The following CDH13 variants were observed in gnomAD, a reference collection of about 807,000 sequenced individuals.
CDH13 encodes cadherin 13.
Under a neutral mutation model 63.8 loss-of-function variants are expected in CDH13, and 24 were observed. The observed-to-expected ratio is 0.38, with a 90% CI of 0.27 to 0.53. The LOEUF (loss-of-function observed/expected upper bound fraction) is 0.53. Ranked by LOEUF, CDH13 falls within the 20% of genes least tolerant of loss-of-function variation. The probability of loss-of-function intolerance (pLI) is 0.85; values close to 1 mark genes in which losing one functional copy is unlikely to be tolerated. For synonymous variants in CDH13, 503 were observed against 355.3 expected, an observed-to-expected ratio of 1.42 and a Z score of -4.67; for missense variants, 1,049 against 903.1, an observed-to-expected ratio of 1.16 and a Z score of -2.07.
chr16:83,548,386 A>G (rs952254121), intron 7 of CDH13, among the ~76,000 whole-genome samples: 1 of 152,090 alleles, frequency 6.6e-6, no homozygotes, highest in Non-Finnish European at 1.5e-5. Flanking sequence ...AAAACTAAGG[A>G]TGTGGCTAAA....
At chr16:83,105,331 A>G (rs1156742306) in intron 3 of CDH13, among the ~76,000 whole-genome samples, 2 of 152,216 alleles carry the variant, frequency 1.3e-5, no homozygotes, top group East Asian at 1.9e-4. Context: ...GGAATAATCC[A>G]GTGACATCCA....
At chr16:83,212,415 C>A (rs1156511011) in intron 4 of CDH13, among the ~76,000 whole-genome samples, 1 of 152,166 alleles carries the variant, frequency 6.6e-6, no homozygotes, top group African/African-American at 2.4e-5. Context: ...TGAAGAGGGA[C>A]TTTCCCCACT....
chr16:83,137,246 C>G lies in CDH13; in HGVS notation c.483+11745C>G, dbSNP rs142077351. Among the ~76,000 whole-genome samples the G allele has an allele frequency of 4.4e-3, 667 of 152,322 alleles. 4 individuals carry two copies. Among genetic ancestry groups the G allele is most frequent in the African/African-American group, 0.015 (633 of 41,566 alleles). ...GTTAAGTAACTTGTCCAACTTCATG[C>G]AGCAAGTGCAACATAAAAGCAAAGC... On this transcript the variant is annotated intron_variant, in intron 4 of 13. Coordinates refer to ENST00000567109, the MANE Select transcript of CDH13 (RefSeq NM_001257.5).
At chr16:82,677,960 A>C (rs1914120051) in intron 1 of CDH13, among the ~76,000 whole-genome samples, 1 of 152,180 alleles carries the variant, frequency 6.6e-6, no homozygotes, top group African/African-American at 2.4e-5. Flanking sequence ...AAGCGTCTGA[A>C]GATATGATCC....
At chr16:83,566,569 T>G (rs1904282655) in intron 7 of CDH13, among the ~76,000 whole-genome samples, 1 of 152,148 alleles carries the variant, frequency 6.6e-6, no homozygotes, top group Non-Finnish European at 1.5e-5. Context: ...CGTTTTGTGC[T>G]TCCTGTTCCC....
intron 6 of CDH13, among the ~76,000 whole-genome samples, chr16:83,390,575 C>G (rs940958082): frequency 9.9e-5 from 15 of 151,802 alleles, no homozygotes; most frequent in African/African-American, 3.2e-4. Context: ...TCAACAGGAA[C>G]TGCTGTTTCT....
At chr16:83,260,121 C>CACACACAT (rs1906797010) in intron 5 of CDH13, among the ~76,000 whole-genome samples, 2 of 150,412 alleles carry the variant, frequency 1.3e-5, no homozygotes, top group Admixed American at 1.3e-4. Flanking sequence ...CACACACACA[C>CACACACAT]ACACACACAC....
intron 3 of CDH13, among the ~76,000 whole-genome samples, chr16:83,095,260 A>C (rs570551191): frequency 6.6e-6 from 1 of 152,212 alleles, no homozygotes; most frequent in Admixed American, 6.5e-5. Flanking sequence ...CACTGTTCCC[A>C]AAACTTTCAC....
intron 1 of CDH13, among the ~76,000 whole-genome samples, chr16:82,691,540 C>T (rs1368882753): frequency 6.6e-6 from 1 of 152,182 alleles, no homozygotes; most frequent in Non-Finnish European, 1.5e-5. Flanking sequence ...TTCTCCTTCT[C>T]TGTCTCACTT....
intron 3 of CDH13, among the ~76,000 whole-genome samples, chr16:83,079,066 A>G (rs1444043934): frequency 6.6e-6 from 1 of 152,158 alleles, no homozygotes; most frequent in Non-Finnish European, 1.5e-5. Context: ...AAGTGCTGGG[A>G]TTACAGGTGT....
intron 6 of CDH13, among the ~76,000 whole-genome samples, chr16:83,456,660 C>A (rs1176711982): frequency 6.6e-6 from 1 of 152,084 alleles, no homozygotes; most frequent in Non-Finnish European, 1.5e-5. Flanking sequence ...TGATGTGTTG[C>A]ATCAGAAAGA....
intron 2 of CDH13, among the ~76,000 whole-genome samples, chr16:82,933,170 G>A (rs2042554166): frequency 6.6e-6 from 1 of 152,044 alleles, no homozygotes; most frequent in Admixed American, 6.6e-5. Flanking sequence ...ACTTCAGACT[G>A]GGTCATTTAT....
chr16:83,304,143 G>A (rs1409079091), intron 5 of CDH13, among the ~76,000 whole-genome samples: 1 of 152,144 alleles, frequency 6.6e-6, no homozygotes, highest in African/African-American at 2.4e-5. Flanking sequence ...AGGAGATAAG[G>A]CTGGAGAGGT....
chr16:83,174,177 G>T (rs1347352072), intron 4 of CDH13, among the ~76,000 whole-genome samples: 1 of 152,042 alleles, frequency 6.6e-6, no homozygotes, highest in Non-Finnish European at 1.5e-5. Context: ...GAAGCAATGT[G>T]TACTGAAAAG....
intron 2 of CDH13, among the ~76,000 whole-genome samples, chr16:82,921,975 T>C (rs1252987034): frequency 1.3e-5 from 2 of 152,224 alleles, no homozygotes; most frequent in Admixed American, 6.5e-5. Flanking sequence ...TTTTAATTTC[T>C]TCTTGAACCA....
At chr16:83,573,782 C>T (rs989970721) in intron 7 of CDH13, among the ~76,000 whole-genome samples, 1 of 152,226 alleles carries the variant, frequency 6.6e-6, no homozygotes, top group African/African-American at 2.4e-5. Context: ...GCTTGCTTAA[C>T]TACTGTAGTT....
intron 7 of CDH13, among the ~76,000 whole-genome samples, chr16:83,502,619 T>C (rs1472720474): frequency 6.6e-6 from 1 of 152,168 alleles, no homozygotes; most frequent in Non-Finnish European, 1.5e-5. Context: ...TTAAATACAG[T>C]AGCTTTTGAC....
intron 6 of CDH13, among the ~76,000 whole-genome samples, chr16:83,366,305 T>C (rs2091256261): frequency 1.3e-5 from 2 of 152,192 alleles, no homozygotes; most frequent in Admixed American, 6.5e-5. Flanking sequence ...GGGACATGTT[T>C]AGCAACACTT....
At chr16:83,187,860 G>C (rs1010824922) in intron 4 of CDH13, among the ~76,000 whole-genome samples, 6 of 152,154 alleles carry the variant, frequency 3.9e-5, no homozygotes, top group Non-Finnish European at 7.3e-5. Context: ...GATGAGAGTA[G>C]GTTGCAGTTT....
Sources: allele counts gnomAD v4.1 joint callset (sites outside exome capture counted in the v4.1 genomes callset), GRCh38; gene constraint gnomAD v4.1.1; transcripts MANE v1.5; gene names NCBI Gene and HGNC (gene_info 2026-07-23, HGNC 2026-07-21).